The following KCNC2 variants were observed in gnomAD, a reference collection of about 807,000 sequenced individuals.
KCNC2 encodes the protein voltage-gated potassium channel KCNC2.
KCNC2 carries 21 observed loss-of-function variants against 44.5 expected under a neutral mutation model. The observed-to-expected ratio is 0.47, with a 90% CI of 0.33 to 0.68. The LOEUF is 0.68. Among genes scored for constraint, KCNC2 ranks in the 30% least tolerant of loss-of-function variants. The pLI, the probability that KCNC2 is intolerant of heterozygous loss-of-function variation, is 0.01. For synonymous variants in KCNC2, 391 were observed against 339.1 expected, an observed-to-expected ratio of 1.15 and a Z score of -1.68; for missense variants, 589 against 826.2, an observed-to-expected ratio of 0.71 and a Z score of 3.52.
chr12:75,111,032 T>A (rs1178446562), intron 2 of KCNC2, among the ~76,000 whole-genome samples: 1 of 152,136 alleles, frequency 6.6e-6, no homozygotes, highest in Non-Finnish European at 1.5e-5. Flanking sequence ...TGCAATAATA[T>A]GTCCATGAAA....
chr12:75,104,247 C>T (rs77588736), intron 2 of KCNC2, among the ~76,000 whole-genome samples: 6,728 of 152,168 alleles, frequency 0.044, 206 homozygotes, highest in South Asian at 0.087. Flanking sequence ...ATCAAAAGCA[C>T]GGGTGGCATC....
At chr12:75,183,290 G>A (rs1277345642) in intron 2 of KCNC2, among the ~76,000 whole-genome samples, 1 of 152,130 alleles carries the variant, frequency 6.6e-6, no homozygotes, top group Non-Finnish European at 1.5e-5. Flanking sequence ...CATGCAGAAA[G>A]CTCAAACCTG....
chr12:75,114,956 C>G (rs1207835870), intron 2 of KCNC2, among the ~76,000 whole-genome samples: 1 of 147,432 alleles, frequency 6.8e-6, no homozygotes, highest in Non-Finnish European at 1.5e-5. Flanking sequence ...CTCCGCCCCC[C>G]GGGGTTCACG....
At chr12:75,184,732 A>T (rs1198490574) in intron 2 of KCNC2, among the ~76,000 whole-genome samples, 1 of 152,204 alleles carries the variant, frequency 6.6e-6, no homozygotes, top group African/African-American at 2.4e-5. Flanking sequence ...TAATTATCTC[A>T]TAGCACCTGG....
intron 4 of KCNC2, among the ~76,000 whole-genome samples, chr12:75,046,007 A>G (rs1880464403): frequency 6.6e-6 from 1 of 151,842 alleles, no homozygotes. Flanking sequence ...ACCTACAAAA[A>G]GGGAAACAGG....
intron 2 of KCNC2, among the ~76,000 whole-genome samples, chr12:75,120,599 T>A (rs1176764212): frequency 6.6e-6 from 1 of 152,122 alleles, no homozygotes; most frequent in Non-Finnish European, 1.5e-5. Flanking sequence ...GAAAAGAATA[T>A]CCTGTCCCTG....
At chr12:75,201,998 T>C (rs1486254464) in intron 2 of KCNC2, among the ~76,000 whole-genome samples, 2 of 151,918 alleles carry the variant, frequency 1.3e-5, no homozygotes, top group Non-Finnish European at 2.9e-5. Context: ...AATACAATAC[T>C]TGAAAATGAC....
At chr12:75,190,945 A>G (rs759099682) in intron 2 of KCNC2, among the ~76,000 whole-genome samples, 11 of 152,066 alleles carry the variant, frequency 7.2e-5, no homozygotes, top group Non-Finnish European at 1.3e-4. Flanking sequence ...ATATCCACAA[A>G]TAAACTAAGA....
chr12:75,118,633 C>T (rs1352156548), intron 2 of KCNC2, among the ~76,000 whole-genome samples: 1 of 152,080 alleles, frequency 6.6e-6, no homozygotes, highest in Non-Finnish European at 1.5e-5. Context: ...GAAGGAAAGG[C>T]TGGGCATTAG....
intron 2 of KCNC2, among the ~76,000 whole-genome samples, chr12:75,054,418 G>T (rs997622081): frequency 6.6e-6 from 1 of 152,098 alleles, no homozygotes; most frequent in Non-Finnish European, 1.5e-5. Flanking sequence ...AAAAGGAAAA[G>T]CTCTCTAAGG....
At chr12:75,163,391 A>G (rs1018314875) in intron 2 of KCNC2, among the ~76,000 whole-genome samples, 13 of 151,710 alleles carry the variant, frequency 8.6e-5, no homozygotes, top group African/African-American at 3.1e-4. Context: ...AGAGAAACTT[A>G]TTATTTAAAT....
chr12:75,170,078 T>G (rs1220600919), intron 2 of KCNC2, among the ~76,000 whole-genome samples: 1 of 151,744 alleles, frequency 6.6e-6, no homozygotes, highest in East Asian at 1.9e-4. Flanking sequence ...CATTTCAATG[T>G]TTTAAAATTA....
intron 2 of KCNC2, among the ~76,000 whole-genome samples, chr12:75,192,263 T>C (rs2030354149): frequency 6.6e-6 from 1 of 152,224 alleles, no homozygotes; most frequent in African/African-American, 2.4e-5. Context: ...CATCTTTTCC[T>C]AGGACACGGC....
chr12:75,153,213 T>C (rs1407378949), intron 2 of KCNC2, among the ~76,000 whole-genome samples: 2 of 152,022 alleles, frequency 1.3e-5, no homozygotes, highest in Admixed American at 1.3e-4. Context: ...GTTCCTAAGG[T>C]ACATGTAATG....
intron 2 of KCNC2, among the ~76,000 whole-genome samples, chr12:75,201,265 A>G (rs993440250): frequency 3.3e-5 from 2 of 60,492 alleles, no homozygotes; most frequent in Non-Finnish European, 6.5e-5. Context: ...GAAATTGGAA[A>G]AAAAAAAAAA....
At chr12:75,161,789 G>C (rs1891142145) in intron 2 of KCNC2, among the ~76,000 whole-genome samples, 1 of 151,490 alleles carries the variant, frequency 6.6e-6, no homozygotes, top group African/African-American at 2.4e-5. Flanking sequence ...TTCTCACTAA[G>C]AAAAAACAGC....
intron 2 of KCNC2, among the ~76,000 whole-genome samples, chr12:75,063,144 G>A (rs1031272945): frequency 6.6e-6 from 1 of 151,782 alleles, no homozygotes; most frequent in Admixed American, 6.6e-5. Flanking sequence ...TGTCATTTCT[G>A]TTTTGCTATG....
intron 2 of KCNC2, among the ~76,000 whole-genome samples, chr12:75,095,095 T>C (rs757973251): frequency 6.6e-6 from 1 of 151,850 alleles, no homozygotes; most frequent in Non-Finnish European, 1.5e-5. Flanking sequence ...ATGAAGACTG[T>C]GCTTACTCCT....
intron 2 of KCNC2, among the ~76,000 whole-genome samples, chr12:75,070,451 CAAA>C (rs11304908): frequency 1.2e-4 from 17 of 142,674 alleles, no homozygotes; most frequent in African/African-American, 1.0e-4. Context: ...AACTCCATCT[CAAA>C]AAAAAAAAAA....
Sources: allele counts gnomAD v4.1 joint callset (sites outside exome capture counted in the v4.1 genomes callset), GRCh38; gene constraint gnomAD v4.1.1; transcripts MANE v1.5; gene names NCBI Gene and HGNC (gene_info 2026-07-23, HGNC 2026-07-21).